The following ZNF84 variants were observed in gnomAD, a reference collection of about 807,000 sequenced individuals.
ZNF84 encodes zinc finger protein HPF2.
Under a neutral mutation model 14.8 loss-of-function variants are expected in ZNF84, and 12 were observed. The observed-to-expected ratio is 0.81, with a 90% CI of 0.52 to 1.31. The LOEUF is 1.31. ZNF84 is among the 50% of genes most tolerant of loss of function. The pLI is 0.00. For synonymous variants in ZNF84, 347 were observed against 291.1 expected (o/e 1.19, Z -1.96); for missense variants, 859 against 878.6 (o/e 0.98, Z 0.28).
rs1954181341 is a variant in ZNF84, at chr12:133,057,540, G to A, written c.825G>A (p.Lys275=). The change falls in exon 5 of 5, where the codon AAG becomes AAA. Residue 275 remains lysine, a synonymous_variant. Transcript: ENST00000539354. ...AGTGTGGGAAAGCCTTCTCCCAAAA[G>A]TCACAGCTCACATCCCATCAGCGGA... The part of the protein sequence containing the change: ...CSQCGKAFSQ[K]SQLTSHQRTH... 4 of 1,614,144 alleles carry A rather than the reference G, an allele frequency of 2.5e-6. No individual in the cohort carries two copies. In the South Asian group the frequency reaches 4.4e-5, roughly 18 times the overall value.
At chr12:133,052,994 A>C (rs939847640) in intron 4 of ZNF84, among the ~76,000 whole-genome samples, 2 of 152,260 alleles carry the variant, frequency 1.3e-5, no homozygotes, top group African/African-American at 4.8e-5. Context: ...GAGCATGGGA[A>C]CTAGACCATA....
At chr12:133,047,901 C>T in intron 2 of ZNF84, 54 bp from the exon 3 acceptor site, 3 of 1,580,940 alleles carry the variant, frequency 1.9e-6, no homozygotes, top group Non-Finnish European at 2.6e-6. Flanking sequence ...ATATTTTTTT[C>T]TCACATCATA....
chr12:133,058,506 A>G lies in ZNF84; in HGVS notation c.1791A>G (p.Lys597=), dbSNP rs1303173195. The change falls in exon 5 of 5, where the codon AAA becomes AAG. Residue 597 remains lysine, a synonymous_variant. Transcript: ENST00000539354. ...ATCAGAGAATTCACACTGGAGAGAA[A>G]CCCTATGAATGCAGTCTTTGTAGGA... ...NTHQRIHTGE[K]PYECSLCRKA... The G allele has an allele frequency of 2.1e-5, 34 of 1,614,038 alleles. No homozygotes were observed. Among genetic ancestry groups the G allele is most frequent in the African/African-American group, 1.3e-5 (1 of 74,936 alleles).
In ZNF84 at chr12:133,048,244, G is replaced by A. The variant is rs1954017030; in HGVS notation, c.142+163G>A. ...TTGCTTGGACTATGACACCAAGAAA[G>A]TATTTGGGTCTCACCTTTCAATAAT... On this transcript the variant is annotated intron_variant, in intron 3 of 4. Transcript: ENST00000539354. 3 of 581,038 alleles carry A rather than the reference G, an allele frequency of 5.2e-6. No individual in the cohort carries two copies. In the African/African-American group the frequency reaches 5.6e-5, roughly 11 times the overall value. 36.0% of individuals were successfully genotyped at this position (581,038 alleles called of 1,614,324 possible). A position where few individuals can be genotyped will look rare whatever the true frequency, so the allele number is the denominator to read the frequency against.
chr12:133,057,684 A>T lies in ZNF84; in HGVS notation c.969A>T (p.Glu323Asp). The T allele has an allele frequency of 6.2e-7, 1 of 1,613,554 alleles. No homozygotes were observed. Among genetic ancestry groups the T allele is most frequent in the Non-Finnish European group, 8.5e-7 (1 of 1,179,884 alleles). Reference protein sequence around the residue: ...HTGEKPYGCNECGRAFSEKSN... With the variant: ...HTGEKPYGCNDCGRAFSEKSN... Reference sequence around the variant, plus strand: ...GAGAGAAACCCTATGGATGCAATGAATGTGGGAGGGCCTTTAGTGAAAAGT... The same window carrying T: ...GAGAGAAACCCTATGGATGCAATGATTGTGGGAGGGCCTTTAGTGAAAAGT... The change falls in exon 5 of 5, where the codon GAA becomes GAT. Residue 323 changes from glutamate to aspartate, a missense_variant. Physicochemically the swap from Glu to Asp is conservative, Grantham distance 45 (BLOSUM62 2). Transcript: ENST00000539354.
Position 133,057,210 on chromosome 12 carries a change from T to C in ZNF84, c.495T>C (p.Phe165=), listed in dbSNP as rs1312375075. ...ACTTTAATGTGTTTGATAATTTTTT[T>C]CTCCATTCCAAGCCTGAGGATACTG... ...SDDFNVFDNF[F]LHSKPEDTDT... is the part of the protein sequence containing the mutation. Residue 165 remains phenylalanine (F), a synonymous_variant, in exon 5 of 5, where the codon TTT becomes TTC. Coordinates refer to ENST00000539354, the MANE Select transcript of ZNF84 (RefSeq NM_001289971.2). The C allele has an allele frequency of 1.2e-5, 19 of 1,613,116 alleles. No homozygotes were observed. Among genetic ancestry groups the C allele is most frequent in the Non-Finnish European group, 1.4e-5 (17 of 1,179,820 alleles).
At chr12:133,056,555 C>A (rs1304886666) in intron 4 of ZNF84, among the ~76,000 whole-genome samples, 17 of 152,132 alleles carry the variant, frequency 1.1e-4, no homozygotes. Flanking sequence ...TCCTGGCCTA[C>A]AGGAACTTAT....
intron 2 of ZNF84, among the ~76,000 whole-genome samples, chr12:133,043,925 T>TG (rs1953931947): frequency 4.4e-5 from 6 of 136,910 alleles, no homozygotes; most frequent in African/African-American, 1.9e-4. Flanking sequence ...CTAATTCTTG[T>TG]ATTTTTTTTT....
chr12:133,038,338 G>A, intron 1 of ZNF84, among the ~76,000 whole-genome samples: 1 of 152,046 alleles, frequency 6.6e-6, no homozygotes, highest in East Asian at 1.9e-4. Flanking sequence ...AGTGTCAAAT[G>A]TTATAATGAT....
chr12:133,042,925 A>G (rs7954728), intron 2 of ZNF84, among the ~76,000 whole-genome samples: 26,888 of 152,162 alleles, frequency 0.18, 3,048 homozygotes, highest in Non-Finnish European at 0.25. Flanking sequence ...GCCCTCTCCC[A>G]GTCGTCACAA....
intron 2 of ZNF84, among the ~76,000 whole-genome samples, chr12:133,044,105 T>G (rs1953936570): frequency 6.6e-6 from 1 of 151,958 alleles, no homozygotes; most frequent in Non-Finnish European, 1.5e-5. Context: ...TAGATTTGAT[T>G]AGATTTTTCA....
chr12:133,048,165 A>G (rs1302970580), intron 3 of ZNF84, 84 bp downstream of exon 3: 23 of 1,355,418 alleles, frequency 1.7e-5, no homozygotes, highest in Admixed American at 4.5e-5. Flanking sequence ...TCAGAAGCCT[A>G]TAGCTAGGCT....
At chr12:133,056,228 T>C (rs1397417019) in intron 4 of ZNF84, among the ~76,000 whole-genome samples, 4 of 152,184 alleles carry the variant, frequency 2.6e-5, no homozygotes, top group Non-Finnish European at 5.9e-5. Context: ...ATAAATTTTA[T>C]AATGACAGGA....
In ZNF84 at chr12:133,057,314, A is replaced by G; in HGVS notation, c.599A>G (p.Asn200Ser). ...TCACAGATTATCATATATCATAGAAATCGTTTAGGGGAGAAACTCTATGAA... is the reference window on the plus strand; with the variant it reads ...TCACAGATTATCATATATCATAGAAGTCGTTTAGGGGAGAAACTCTATGAA... ...KKSQIIIYHR[N>S]RLGEKLYECS... Residue 200 changes from asparagine (N) to serine (S), a missense_variant, in exon 5 of 5, where the codon AAT becomes AGT. Physicochemically the swap from Asn to Ser is conservative, Grantham distance 46. Coordinates refer to ENST00000539354, the MANE Select transcript of ZNF84 (RefSeq NM_001289971.2). 6.2e-7 allele frequency: 1 copy of G among 1,613,130 alleles called. No individual in the cohort carries two copies. The highest frequency in any genetic ancestry group is 8.5e-7 in the Non-Finnish European group (1 of 1,179,804).
chr12:133,050,110 G>T (rs1452401344), intron 4 of ZNF84, among the ~76,000 whole-genome samples: 1 of 152,164 alleles, frequency 6.6e-6, no homozygotes, highest in Admixed American at 6.5e-5. Flanking sequence ...AACTTATTGG[G>T]GACATGGTCC....
chr12:133,055,240 GA>G (rs1175695408), intron 4 of ZNF84, among the ~76,000 whole-genome samples: 1 of 151,994 alleles, frequency 6.6e-6, no homozygotes, highest in Non-Finnish European at 1.5e-5. Context: ...CTGTGAAATA[GA>G]AAATACTGAT....
intron 4 of ZNF84, among the ~76,000 whole-genome samples, chr12:133,052,401 G>A (rs2137393226): frequency 6.6e-6 from 1 of 152,224 alleles, no homozygotes; most frequent in East Asian, 1.9e-4. Flanking sequence ...GAGTGCAATG[G>A]CACAATCATG....
rs1954266141 is a variant in ZNF84 at position 133,061,630 on chromosome 12, A to G, written c.*2698A>G. 1 of 152,024 alleles carries G rather than the reference A, an allele frequency of 6.6e-6. No individual in the cohort carries two copies. The highest frequency in any genetic ancestry group is 1.5e-5 in the Non-Finnish European group (1 of 68,006). 9.4% of individuals were successfully genotyped at this position (152,024 alleles called of 1,614,324 possible). A position where few individuals can be genotyped will look rare whatever the true frequency, so the allele number is the denominator to read the frequency against. ...ATCACCATTCTCTTTCCAATCCCAG[A>G]GATTGATTTATTAGGTCTTGGAAAT... On this transcript the variant is annotated 3_prime_UTR_variant, in exon 5 of 5. Coordinates refer to ENST00000539354, the MANE Select transcript of ZNF84 (RefSeq NM_001289971.2).
chr12:133,056,989 C>G lies in ZNF84; in HGVS notation c.274C>G (p.Gln92Glu). 1.9e-6 allele frequency: 3 copies of G among 1,595,586 alleles called. No individual in the cohort carries two copies. Among genetic ancestry groups the G allele is most frequent in the Non-Finnish European group, 2.6e-6 (3 of 1,174,136 alleles). Residue 92 changes from glutamine to glutamate, a missense_variant, in exon 5 of 5, where the codon CAG becomes GAG. By Grantham distance (29) the Gln-to-Glu change is conservative. Transcript: ENST00000539354. ...AGTAGATGGTAACATGATGTGGCAC[C>G]AGGATAACCAAGACAAGCTTAAAAT... ...WKVDGNMMWH[Q>E]DNQDKLKIIK...
Sources: gnomAD v4.1 joint callset for allele counts (sites outside exome capture counted in the v4.1 genomes callset) on GRCh38, gnomAD v4.1.1 for gene constraint, MANE v1.5 for transcripts, NCBI Gene and HGNC (gene_info 2026-07-23, HGNC 2026-07-21) for gene names.